PDE3A: variants seen among roughly 807,000 people sequenced by gnomAD.
PDE3A encodes the protein phosphodiesterase 3A.
Under a neutral mutation model 98.3 loss-of-function variants are expected in PDE3A, and 43 were observed. That is an observed-to-expected ratio of 0.44 (90% CI 0.34 to 0.56). The LOEUF (loss-of-function observed/expected upper bound fraction) is 0.56. PDE3A is among the 20% of genes least tolerant of loss of function. The probability of loss-of-function intolerance (pLI) is 0.01; values close to 1 mark genes in which losing one functional copy is unlikely to be tolerated. For missense variants in PDE3A, 1,427 were observed against 1,440.7 expected, an observed-to-expected ratio of 0.99 and a Z score of 0.15; for synonymous variants, 663 against 567.9, an observed-to-expected ratio of 1.17 and a Z score of -2.38.
At chr12:20,621,519 T>C in intron 5 of PDE3A, 108 bp downstream of exon 5, 1 of 640,010 alleles carries the variant, frequency 1.6e-6, no homozygotes, top group Non-Finnish European at 2.8e-6. Flanking sequence ...TCAGATATGT[T>C]TGGTTTGTCT....
In PDE3A at chr12:20,593,092, C is replaced by T. The variant is rs186247514; in HGVS notation, c.1012-20351C>T. 7.2e-5 allele frequency among the ~76,000 whole-genome samples: 11 copies of T among 152,190 alleles called. No homozygotes were observed. In the South Asian group the frequency reaches 8.3e-4, roughly 12 times the overall value. On this transcript the variant is annotated intron_variant, in intron 2 of 15. Coordinates refer to ENST00000359062, the MANE Select transcript of PDE3A (RefSeq NM_000921.5). ...GTTGAACAAAGTACTATGGAGACTT[C>T]GAGGCTGAAGTGATTAATTTGGTGT...
chr12:20,386,765 A>C (rs1943818970), intron 1 of PDE3A, among the ~76,000 whole-genome samples: 1 of 151,906 alleles, frequency 6.6e-6, no homozygotes, highest in African/African-American at 2.4e-5. Flanking sequence ...TTTGCTATGG[A>C]GAAGCTCTTT....
chr12:20,464,601 G>A (rs942909601), intron 1 of PDE3A, among the ~76,000 whole-genome samples: 2 of 152,152 alleles, frequency 1.3e-5, no homozygotes, highest in Admixed American at 1.3e-4. Flanking sequence ...GTTTTACCGT[G>A]AGCTGAATCA....
At chr12:20,386,475 G>A (rs1411444028) in intron 1 of PDE3A, among the ~76,000 whole-genome samples, 1 of 150,388 alleles carries the variant, frequency 6.6e-6, no homozygotes, top group Admixed American at 6.7e-5. Context: ...TTTTTAATGG[G>A]GTTGGGGTTG....
intron 1 of PDE3A, among the ~76,000 whole-genome samples, chr12:20,525,469 G>C (rs957514838): frequency 6.9e-4 from 82 of 118,350 alleles, no homozygotes; most frequent in Admixed American, 2.8e-3. Flanking sequence ...GATTTGGTTG[G>C]GGGGGGGGGC....
At chr12:20,549,769 T>G (rs1011440965) in intron 1 of PDE3A, among the ~76,000 whole-genome samples, 1 of 152,142 alleles carries the variant, frequency 6.6e-6, no homozygotes, top group African/African-American at 2.4e-5. Context: ...TGGAAAAGAA[T>G]TTCTTTGCCC....
intron 2 of PDE3A, among the ~76,000 whole-genome samples, chr12:20,604,254 CT>C (rs1031356192): frequency 2.0e-5 from 3 of 151,896 alleles, no homozygotes; most frequent in African/African-American, 7.3e-5. Context: ...AATGAATTTA[CT>C]TTTTAAATAA....
chr12:20,457,632 C>A (rs1303877734), intron 1 of PDE3A, among the ~76,000 whole-genome samples: 1 of 151,032 alleles, frequency 6.6e-6, no homozygotes, highest in Admixed American at 6.6e-5. Flanking sequence ...TTCAATGCAA[C>A]TAGATAGAAA....
At chr12:20,461,046 C>A (rs1364891103) in intron 1 of PDE3A, among the ~76,000 whole-genome samples, 3 of 151,970 alleles carry the variant, frequency 2.0e-5, no homozygotes, top group African/African-American at 7.2e-5. Flanking sequence ...GTTTTACATG[C>A]AACGAGATAT....
chr12:20,498,609 G>A (rs1377624924), intron 1 of PDE3A, among the ~76,000 whole-genome samples: 1 of 152,062 alleles, frequency 6.6e-6, no homozygotes, highest in African/African-American at 2.4e-5. Flanking sequence ...TGTCTACAGG[G>A]TCCTGGAACC....
chr12:20,605,192 C>T (rs1167825643), intron 2 of PDE3A, among the ~76,000 whole-genome samples: 1 of 152,046 alleles, frequency 6.6e-6, no homozygotes, highest in Non-Finnish European at 1.5e-5. Flanking sequence ...TATAACAGGC[C>T]TAAAGAGATT....
chr12:20,405,813 A>G (rs1944222189), intron 1 of PDE3A, among the ~76,000 whole-genome samples: 1 of 152,178 alleles, frequency 6.6e-6, no homozygotes, highest in Admixed American at 6.6e-5. Context: ...TATATTGTAA[A>G]TTAGATCCCC....
rs1181273229 is a variant in PDE3A at position 20,686,693 on chromosome 12, G to A, written c.*6422G>A. On this transcript the variant is annotated 3_prime_UTR_variant, in exon 16 of 16. Transcript: ENST00000359062. ...GACAAACTCATAGGAGGAAAGCATG[G>A]CTTCTCTTCAATTATACTTCTCTTA... Among the ~76,000 whole-genome samples, 1 of 152,064 alleles carries A rather than the reference G, an allele frequency of 6.6e-6. No homozygotes were observed. Among genetic ancestry groups the A allele is most frequent in the Non-Finnish European group, 1.5e-5 (1 of 67,978 alleles).
intron 15 of PDE3A, among the ~76,000 whole-genome samples, chr12:20,670,470 T>G (rs189783063): frequency 0.016 from 2,476 of 152,150 alleles, 26 homozygotes; most frequent in Non-Finnish European, 0.022. Flanking sequence ...TCAGCAAATG[T>G]AAAAGGACAG....
chr12:20,436,314 GA>G (rs1313206470), intron 1 of PDE3A, among the ~76,000 whole-genome samples: 1 of 152,040 alleles, frequency 6.6e-6, no homozygotes, highest in East Asian at 1.9e-4. Flanking sequence ...TTGGGTGGGG[GA>G]GAGGGGCTAT....
At chr12:20,582,358 G>GT (rs1404697376) in intron 2 of PDE3A, among the ~76,000 whole-genome samples, 2 of 151,790 alleles carry the variant, frequency 1.3e-5, no homozygotes, top group Non-Finnish European at 2.9e-5. Flanking sequence ...GCCTGACTAT[G>GT]TTTTTTGTAT....
At chr12:20,533,012 C>T (rs1565579899) in intron 1 of PDE3A, among the ~76,000 whole-genome samples, 1 of 152,162 alleles carries the variant, frequency 6.6e-6, no homozygotes, top group Non-Finnish European at 1.5e-5. Flanking sequence ...ACACAGTCAA[C>T]AAGAATATAT....
intron 1 of PDE3A, among the ~76,000 whole-genome samples, chr12:20,403,133 A>G (rs899960096): frequency 1.3e-5 from 2 of 152,130 alleles, no homozygotes; most frequent in African/African-American, 4.8e-5. Flanking sequence ...ATTTTAATTG[A>G]ATTTTTTCTT....
rs549114388 is a variant in PDE3A at position 20,456,969 on chromosome 12, A to G, written c.960+86725A>G. On this transcript the variant is annotated intron_variant, in intron 1 of 15. Transcript: ENST00000359062. The stretch of plus-strand genomic sequence containing the variant: ...CTTCTGCTTTCTCTTCCCTTGGTTG[A>G]GTTATACCAAAGCCTCCTTCCGGGA... Among the ~76,000 whole-genome samples, 16 of 152,222 alleles carry G rather than the reference A, an allele frequency of 1.1e-4. No individual in the cohort carries two copies. The East Asian group carries it at 3.1e-3, about 30-fold the overall frequency.
Sources: allele counts gnomAD v4.1 joint callset (sites outside exome capture counted in the v4.1 genomes callset), GRCh38; gene constraint gnomAD v4.1.1; transcripts MANE v1.5; gene names NCBI Gene and HGNC (gene_info 2026-07-23, HGNC 2026-07-21).